CHID1: variants seen among roughly 807,000 people sequenced by gnomAD.
CHID1 encodes chitinase domain-containing protein 1.
Under a neutral mutation model 55.4 loss-of-function variants are expected in CHID1, and 44 were observed. The ratio of observed to expected loss-of-function variants is 0.79; its 90% CI spans 0.62 to 1.02. The LOEUF is 1.02. Ranked by LOEUF, CHID1 falls within the 50% of genes least tolerant of loss-of-function variation. CHID1 has a pLI of 0.00. For synonymous variants in CHID1, 216 were observed against 212.9 expected (o/e 1.01, Z -0.13); for missense variants, 491 against 515.3 (o/e 0.95, Z 0.46).
At chr11:909,428 G>A (rs573175992) in intron 1 of CHID1, among the ~76,000 whole-genome samples, 102 of 152,350 alleles carry the variant, frequency 6.7e-4, no homozygotes, top group Non-Finnish European at 1.0e-3. Context: ...AACAAGATAA[G>A]GTGGAGCGCT....
intron 2 of CHID1, 32 bp from the exon 3 acceptor site, chr11:903,143 G>A: frequency 1.3e-6 from 2 of 1,599,700 alleles, no homozygotes; most frequent in Non-Finnish European, 1.7e-6. Context: ...AAAAGCCTCA[G>A]TCATCTGTCC....
At chr11:893,881 C>T (rs1043538051) in intron 7 of CHID1, among the ~76,000 whole-genome samples, 3 of 151,774 alleles carry the variant, frequency 2.0e-5, no homozygotes, top group African/African-American at 4.8e-5. Context: ...CCGGTAATCC[C>T]AGCACCTTGG....
intron 8 of CHID1, among the ~76,000 whole-genome samples, chr11:887,780 C>A (rs186263280): frequency 6.6e-5 from 10 of 152,306 alleles, no homozygotes; most frequent in African/African-American, 1.7e-4. Flanking sequence ...GTGCCTCCCC[C>A]ACATCCACGG....
intron 8 of CHID1, among the ~76,000 whole-genome samples, chr11:891,914 G>A (rs1850854138): frequency 6.8e-6 from 1 of 146,324 alleles, no homozygotes; most frequent in Non-Finnish European, 1.5e-5. Context: ...GACCAGCCTG[G>A]GCAACATGGC....
At chr11:893,984 T>C (rs4963134) in intron 7 of CHID1, among the ~76,000 whole-genome samples, 63,602 of 151,264 alleles carry the variant, frequency 0.42, 14,717 homozygotes, top group Admixed American at 0.52. Flanking sequence ...TAGCAGGGTG[T>C]GGTGGCAGGT....
chr11:898,226 C>G (rs1409962691), intron 7 of CHID1, among the ~76,000 whole-genome samples: 1 of 152,220 alleles, frequency 6.6e-6, no homozygotes, highest in Non-Finnish European at 1.5e-5. Context: ...GTGGGCAGAG[C>G]CTGGACCTGC....
At chr11:913,984 C>T (rs752686704), upstream of CHID1, among the ~76,000 whole-genome samples, 5 of 151,220 alleles carry the variant, frequency 3.3e-5, no homozygotes, top group Non-Finnish European at 5.9e-5. Flanking sequence ...AGGAGAATTG[C>T]TTGAACCTGG....
At chr11:910,510 A>C in intron 1 of CHID1, 39 of 706,776 alleles carry the variant, frequency 5.5e-5, no homozygotes, top group South Asian at 6.8e-5. Flanking sequence ...GGTCCCCCCG[A>C]CACGCGCCCC....
At position 869,461 on chromosome 11, in the gene CHID1, G is replaced by A. The variant is rs140659932; in HGVS notation, c.*397C>T. On this transcript the variant is annotated 3_prime_UTR_variant, in exon 13 of 13. Transcript: ENST00000323578. ...TGATGCTGGGCAGAGCTGTCCCTGC[G>A]AGGGCCCTCGAATCCAGGAGTGGGC... 5.2e-3 allele frequency: 1,312 copies of A among 253,252 alleles called. 17 individuals are homozygous for A. Among genetic ancestry groups the A allele is most frequent in the Middle Eastern group, 0.021 (15 of 730 alleles). 15.7% of individuals were successfully genotyped at this position (253,252 alleles called of 1,614,324 possible). A position where few individuals can be genotyped will look rare whatever the true frequency, so the allele number is the denominator to read the frequency against.
intron 8 of CHID1, among the ~76,000 whole-genome samples, chr11:887,349 G>A (rs1293292955): frequency 6.6e-6 from 1 of 152,144 alleles, no homozygotes; most frequent in African/African-American, 2.4e-5. Flanking sequence ...TCCCACCACC[G>A]TGTTCCCATT....
rs117257432 is a variant in CHID1 at position 899,928 on chromosome 11, G to T, written c.546+76C>A. On this transcript the variant is annotated intron_variant, in intron 6 of 12. Transcript: ENST00000323578. ...GACAGAAAAGCCGAGTGGAGGCCTC[G>T]CGGGAGGCCCAGCCAGACGGCCAGG... The T allele has an allele frequency of 3.1e-5, 33 of 1,051,686 alleles. No homozygotes were observed. The East Asian group carries it at 6.0e-4, about 19-fold the overall frequency. 65.1% of individuals were successfully genotyped at this position (1,051,686 alleles called of 1,614,324 possible).
At chr11:887,631 T>A (rs1183351836) in intron 8 of CHID1, among the ~76,000 whole-genome samples, 1 of 152,194 alleles carries the variant, frequency 6.6e-6, no homozygotes, top group African/African-American at 2.4e-5. Context: ...GGCAGCCCTG[T>A]CAGCCGCAGC....
At chr11:906,826 C>T (rs1004017455) in intron 1 of CHID1, among the ~76,000 whole-genome samples, 4 of 151,736 alleles carry the variant, frequency 2.6e-5, no homozygotes, top group African/African-American at 7.2e-5. Flanking sequence ...GTCGGGAGTT[C>T]GAGACCAGCC....
At chr11:898,446 C>T (rs1297254536) in intron 7 of CHID1, among the ~76,000 whole-genome samples, 4 of 152,220 alleles carry the variant, frequency 2.6e-5, no homozygotes, top group Admixed American at 2.0e-4. Context: ...CAGGCACCCG[C>T]GGTGGAGACC....
intron 1 of CHID1, among the ~76,000 whole-genome samples, chr11:906,724 T>C (rs973387294): frequency 1.4e-4 from 21 of 152,006 alleles, no homozygotes; most frequent in African/African-American, 5.1e-4. Context: ...ACGTGGAAGC[T>C]TAAGAAACAA....
At chr11:900,210 G>T in intron 5 of CHID1, 100 bp from the exon 6 acceptor site, 1 of 892,650 alleles carries the variant, frequency 1.1e-6, no homozygotes. Flanking sequence ...GCCTCCAGAG[G>T]GAAGTGAGAC....
chr11:902,165 G>C (rs1350047632), intron 4 of CHID1, 33 bp downstream of exon 4: 2 of 1,611,304 alleles, frequency 1.2e-6, no homozygotes, highest in Admixed American at 1.7e-5. Flanking sequence ...TCAGCCTGTG[G>C]GGCAAGCACA....
At chr11:888,073 C>G (rs2134209906) in intron 8 of CHID1, among the ~76,000 whole-genome samples, 2 of 152,392 alleles carry the variant, frequency 1.3e-5, no homozygotes, top group Admixed American at 1.3e-4. Flanking sequence ...GTGCAGCATG[C>G]TGACATGTGA....
At position 870,438 on chromosome 11, in the gene CHID1, GCT is replaced by G. The variant is rs1465003824; in HGVS notation, c.1019_1020del (p.Glu340AlafsTer68). 3 of 1,611,640 alleles carry G rather than the reference GCT, an allele frequency of 1.9e-6. No homozygotes were observed. Among genetic ancestry groups the G allele is most frequent in the Non-Finnish European group, 2.5e-6 (3 of 1,178,896 alleles). ...ACTCACTTCTTGTACTCGAAGAAGT[GCT>G]CTGAGGCCTGGCTGTCCCACACCAT... ...PRMVWDSQAS[E>X]HFFEYKKSRS... On this transcript the variant is annotated frameshift_variant, in exon 11 of 13. Coordinates refer to ENST00000323578, the MANE Select transcript of CHID1 (RefSeq NM_023947.4). LOFTEE classifies it high-confidence loss of function.
Sources: allele counts gnomAD v4.1 joint callset (sites outside exome capture counted in the v4.1 genomes callset), GRCh38; gene constraint gnomAD v4.1.1; transcripts MANE v1.5; gene names NCBI Gene and HGNC (gene_info 2026-07-23, HGNC 2026-07-21).